Variants in AUTS2 observed in about 807,000 individuals in gnomAD.
The protein encoded by AUTS2 is activator of transcription and developmental regulator AUTS2.
AUTS2 carries 17 observed loss-of-function variants against 112.4 expected under a neutral mutation model. The observed-to-expected ratio is 0.15, with a 90% CI of 0.10 to 0.23. The LOEUF is 0.23. Among genes scored for constraint, AUTS2 ranks in the 10% least tolerant of loss-of-function variants. The pLI is 1.00. For synonymous variants in AUTS2, 751 were observed against 702.7 expected, an observed-to-expected ratio of 1.07 and a Z score of -1.09; for missense variants, 1,510 against 1,701.6, an observed-to-expected ratio of 0.89 and a Z score of 1.98.
intron 5 of AUTS2, among the ~76,000 whole-genome samples, chr7:70,650,915 A>G (rs1806469701): frequency 6.6e-6 from 1 of 152,232 alleles, no homozygotes; most frequent in Admixed American, 6.5e-5. Flanking sequence ...AATCAGGGGA[A>G]GAAAGGATCA....
intron 5 of AUTS2, among the ~76,000 whole-genome samples, chr7:70,543,031 CT>C (rs1800615848): frequency 6.6e-6 from 1 of 152,260 alleles, no homozygotes; most frequent in African/African-American, 2.4e-5. Flanking sequence ...CACTCTCTAG[CT>C]AAAAAGGAAC....
intron 4 of AUTS2, among the ~76,000 whole-genome samples, chr7:70,300,469 T>C (rs1204127732): frequency 6.6e-6 from 1 of 152,212 alleles, no homozygotes; most frequent in East Asian, 1.9e-4. Flanking sequence ...CTGCAGGTTT[T>C]TGAGCATGAA....
intron 1 of AUTS2, among the ~76,000 whole-genome samples, chr7:69,622,726 C>T (rs1229610058): frequency 6.6e-6 from 1 of 152,206 alleles, no homozygotes; most frequent in African/African-American, 2.4e-5. Flanking sequence ...AATAACATAT[C>T]AGCTTCCTTT....
chr7:70,790,516 G>T lies in AUTS2; in HGVS notation c.3300G>T (p.Pro1100=), dbSNP rs200479512. The T allele has an allele frequency of 1.2e-6, 2 of 1,610,136 alleles. No individual in the cohort carries two copies. Among genetic ancestry groups the T allele is most frequent in the Non-Finnish European group, 8.5e-7 (1 of 1,178,640 alleles). ...LGRDFLLRND[P]LHRLSTPRLY... ...GGGACTTCCTGCTAAGGAACGACCC[G>T]CTCCACCGGCTCTCGACTCCCCGGC... Residue 1100 remains proline (P), a synonymous_variant, in exon 19 of 19, where the codon CCG becomes CCT. Coordinates refer to ENST00000342771, the MANE Select transcript of AUTS2 (RefSeq NM_015570.4). The surrounding 1 kb of genome is among the most constrained non-coding windows in gnomAD (Gnocchi z 7.6).
chr7:69,765,336 C>T (rs1275570494), intron 1 of AUTS2, among the ~76,000 whole-genome samples: 1 of 152,166 alleles, frequency 6.6e-6, no homozygotes, highest in Non-Finnish European at 1.5e-5. Context: ...GATTGAGTTC[C>T]TCCAGAATGT....
chr7:70,634,230 G>A (rs948960713), intron 5 of AUTS2, among the ~76,000 whole-genome samples: 2 of 152,186 alleles, frequency 1.3e-5, no homozygotes, highest in Non-Finnish European at 2.9e-5. Flanking sequence ...ATTTGAAATA[G>A]GAGGACAGGA....
intron 4 of AUTS2, among the ~76,000 whole-genome samples, chr7:70,232,779 G>GA (rs1812125695): frequency 6.6e-6 from 1 of 152,040 alleles, no homozygotes; most frequent in African/African-American, 2.4e-5. Context: ...TAGGTATACC[G>GA]AAAGCTATTT....
chr7:70,028,816 T>C (rs1191026962), intron 2 of AUTS2, among the ~76,000 whole-genome samples: 3 of 152,188 alleles, frequency 2.0e-5, no homozygotes, highest in Admixed American at 6.5e-5. Flanking sequence ...TCACATGAAA[T>C]ACTTATCTAC....
At chr7:69,831,894 C>A (rs933406204) in intron 1 of AUTS2, among the ~76,000 whole-genome samples, 7 of 152,058 alleles carry the variant, frequency 4.6e-5, no homozygotes, top group Non-Finnish European at 7.4e-5. Flanking sequence ...TGGCTTTGGC[C>A]CTTGGCATGA....
chr7:69,875,638 A>G (rs928009676), intron 1 of AUTS2, among the ~76,000 whole-genome samples: 2 of 152,226 alleles, frequency 1.3e-5, no homozygotes, highest in Non-Finnish European at 2.9e-5. Flanking sequence ...TCATGTGTAG[A>G]AAATGTTGGC....
chr7:70,002,643 G>A (rs977932554), intron 2 of AUTS2, among the ~76,000 whole-genome samples: 1 of 152,120 alleles, frequency 6.6e-6, no homozygotes, highest in Non-Finnish European at 1.5e-5. Flanking sequence ...TGAGACTTAC[G>A]ATTTTTAGAC....
intron 14 of AUTS2, among the ~76,000 whole-genome samples, chr7:70,777,898 GCATTCTTTT>G (rs1203377172): frequency 6.6e-6 from 1 of 152,140 alleles, no homozygotes; most frequent in Non-Finnish European, 1.5e-5. Context: ...AGTGACTGGT[GCATTCTTTT>G]CATTTTATGG....
chr7:69,877,352 T>TA (rs1009270548), intron 1 of AUTS2, among the ~76,000 whole-genome samples: 2 of 152,192 alleles, frequency 1.3e-5, no homozygotes, highest in African/African-American at 4.8e-5. Flanking sequence ...ACAAATCACT[T>TA]AGAGTAAGCA....
At chr7:70,103,972 A>G (rs1349694210) in intron 2 of AUTS2, among the ~76,000 whole-genome samples, 2 of 151,988 alleles carry the variant, frequency 1.3e-5, no homozygotes, top group Non-Finnish European at 2.9e-5. Context: ...TGTGTACAAC[A>G]TTATTATCAC....
intron 2 of AUTS2, among the ~76,000 whole-genome samples, chr7:70,059,499 T>C (rs539582813): frequency 7.2e-5 from 11 of 152,174 alleles, no homozygotes; most frequent in Non-Finnish European, 1.5e-4. Context: ...AACATTCACA[T>C]TGGTTACTTT....
intron 2 of AUTS2, among the ~76,000 whole-genome samples, chr7:69,910,906 G>A (rs923112112): frequency 7.9e-5 from 12 of 152,170 alleles, no homozygotes; most frequent in Admixed American, 4.6e-4. Flanking sequence ...GATTACAGGC[G>A]TGAGCCACTG....
chr7:70,325,431 G>T (rs767738012), intron 4 of AUTS2, among the ~76,000 whole-genome samples: 1 of 152,120 alleles, frequency 6.6e-6, no homozygotes, highest in Non-Finnish European at 1.5e-5. Context: ...ATAGGAATTC[G>T]TACGAAGAGT....
chr7:70,786,127 A>C, intron 17 of AUTS2, 89 bp downstream of exon 17: 1 of 1,169,746 alleles, frequency 8.5e-7, no homozygotes, highest in East Asian at 2.4e-5. Flanking sequence ...GAGAAAAGGA[A>C]ACTATGCTCT....
chr7:70,295,292 A>T (rs1788882120), intron 4 of AUTS2, among the ~76,000 whole-genome samples: 1 of 152,120 alleles, frequency 6.6e-6, no homozygotes, highest in African/African-American at 2.4e-5. Flanking sequence ...CTTTATTCTG[A>T]TCAGAGTCAG....
Sources: gnomAD v4.1 joint callset for allele counts (sites outside exome capture counted in the v4.1 genomes callset) on GRCh38, gnomAD v4.1.1 for gene constraint, Gnocchi (gnomAD v3.1) non-coding constraint, MANE v1.5 for transcripts, NCBI Gene and HGNC (gene_info 2026-07-23, HGNC 2026-07-21) for gene names.